DCC: variants seen among roughly 807,000 people sequenced by gnomAD.
DCC encodes the protein netrin receptor DCC.
In DCC, 58 loss-of-function variants were observed where a neutral mutation model predicts 172.5. That is an observed-to-expected ratio of 0.34 (90% CI 0.27 to 0.42). The LOEUF is 0.42. Among genes scored for constraint, DCC ranks in the 10% least tolerant of loss-of-function variants. DCC has a pLI of 1.00. For missense variants in DCC, 1,740 were observed against 1,791.0 expected (o/e 0.97, Z 0.51); for synonymous variants, 709 against 644.5 (o/e 1.10, Z -1.52).
intron 1 of DCC, among the ~76,000 whole-genome samples, chr18:52,466,442 C>T (rs1988788100): frequency 6.6e-6 from 1 of 152,078 alleles, no homozygotes; most frequent in African/African-American, 2.4e-5. Context: ...TCTCTGCTTG[C>T]CCATTCTACT....
At chr18:53,281,762 ATTTTTTT>A (rs754969859) in intron 12 of DCC, among the ~76,000 whole-genome samples, 2 of 115,308 alleles carry the variant, frequency 1.7e-5, no homozygotes, top group African/African-American at 6.3e-5. Flanking sequence ...TTAATGGGGG[ATTTTTTT>A]TTTTTTTTTT....
intron 2 of DCC, among the ~76,000 whole-genome samples, chr18:52,870,772 C>T (rs2039306769): frequency 6.7e-6 from 1 of 148,296 alleles, no homozygotes. Context: ...TCATCACGCT[C>T]CCTACCCTAG....
intron 1 of DCC, among the ~76,000 whole-genome samples, chr18:52,390,800 T>C (rs2144348366): frequency 6.6e-6 from 1 of 152,234 alleles, no homozygotes; most frequent in East Asian, 1.9e-4. Context: ...ATCCATCTTT[T>C]TCCCCAGATC....
At chr18:52,586,310 A>G (rs968942519) in intron 1 of DCC, among the ~76,000 whole-genome samples, 2 of 152,112 alleles carry the variant, frequency 1.3e-5, no homozygotes, top group African/African-American at 4.8e-5. Flanking sequence ...TTATATTTCT[A>G]TTCTCAGTAG....
At chr18:52,905,001 A>T (rs2039859643) in intron 2 of DCC, among the ~76,000 whole-genome samples, 1 of 152,180 alleles carries the variant, frequency 6.6e-6, no homozygotes, top group Non-Finnish European at 1.5e-5. Flanking sequence ...AGGATCACAA[A>T]TATCCACTTG....
chr18:53,365,264 T>TG (rs2057992422), intron 15 of DCC, among the ~76,000 whole-genome samples: 1 of 152,068 alleles, frequency 6.6e-6, no homozygotes, highest in African/African-American at 2.4e-5. Context: ...CTCATCTTTT[T>TG]AAGGCTGCAT....
chr18:53,387,940 C>A (rs1296095226), intron 16 of DCC, among the ~76,000 whole-genome samples: 1 of 152,172 alleles, frequency 6.6e-6, no homozygotes, highest in Non-Finnish European at 1.5e-5. Context: ...TGAAAGAATT[C>A]AAATAAACTG....
intron 1 of DCC, among the ~76,000 whole-genome samples, chr18:52,463,382 A>G (rs1276413626): frequency 6.6e-6 from 1 of 152,166 alleles, no homozygotes; most frequent in African/African-American, 2.4e-5. Context: ...TAAAGAGTCT[A>G]GAAGGATCAT....
At chr18:52,349,742 G>A (rs1050224966) in intron 1 of DCC, among the ~76,000 whole-genome samples, 2 of 151,974 alleles carry the variant, frequency 1.3e-5, no homozygotes, top group Non-Finnish European at 2.9e-5. Flanking sequence ...TCAATAATTC[G>A]AGCTATAAAT....
chr18:53,350,440 T>A (rs2057777949), intron 15 of DCC, among the ~76,000 whole-genome samples: 1 of 152,166 alleles, frequency 6.6e-6, no homozygotes, highest in South Asian at 2.1e-4. Context: ...TTATCATCCT[T>A]TCAGTGATGC....
chr18:52,833,613 T>C (rs1260484271), intron 2 of DCC, among the ~76,000 whole-genome samples: 2 of 152,202 alleles, frequency 1.3e-5, no homozygotes, highest in African/African-American at 4.8e-5. Context: ...GTTTCTGGTC[T>C]GGAGCCACCA....
chr18:53,169,293 T>C (rs2144436253), intron 8 of DCC, among the ~76,000 whole-genome samples: 1 of 152,350 alleles, frequency 6.6e-6, no homozygotes, highest in Admixed American at 6.5e-5. Flanking sequence ...CTCAAAGTTC[T>C]TAAAACTAGC....
chr18:53,047,235 GAT>G (rs70944616), intron 5 of DCC, among the ~76,000 whole-genome samples: 35 of 30,280 alleles, frequency 1.2e-3, no homozygotes, highest in South Asian at 3.5e-3. Flanking sequence ...CTGCAGGTAG[GAT>G]ATATATATAT....
At chr18:53,317,325 G>A (rs1418820624) in intron 13 of DCC, among the ~76,000 whole-genome samples, 1 of 152,238 alleles carries the variant, frequency 6.6e-6, no homozygotes, top group Non-Finnish European at 1.5e-5. Flanking sequence ...TCTCAGGGAT[G>A]AAGCCAACTT....
intron 8 of DCC, among the ~76,000 whole-genome samples, chr18:53,161,519 G>A (rs1598861682): frequency 6.6e-6 from 1 of 152,076 alleles, no homozygotes; most frequent in African/African-American, 2.4e-5. Flanking sequence ...ATGCTGATGT[G>A]TTCCAAATTT....
intron 1 of DCC, among the ~76,000 whole-genome samples, chr18:52,639,530 C>A (rs2034849476): frequency 6.6e-6 from 1 of 152,032 alleles, no homozygotes; most frequent in Non-Finnish European, 1.5e-5. Context: ...ACTATGAACA[C>A]CTTTATGCAC....
At chr18:53,258,272 C>G (rs902563393) in intron 12 of DCC, among the ~76,000 whole-genome samples, 1 of 151,846 alleles carries the variant, frequency 6.6e-6, no homozygotes, top group African/African-American at 2.4e-5. Context: ...TGTGTTTGCT[C>G]TTGCTTTTCT....
intron 15 of DCC, among the ~76,000 whole-genome samples, chr18:53,361,371 T>C (rs1184267753): frequency 2.0e-5 from 3 of 152,168 alleles, no homozygotes. Context: ...CTAAACATTG[T>C]TTTTTAATTT....
chr18:53,203,127 G>T (rs1413905977), intron 9 of DCC, among the ~76,000 whole-genome samples: 1 of 151,728 alleles, frequency 6.6e-6, no homozygotes. Flanking sequence ...TTATTTTTAA[G>T]AAATATGTAC....
Sources: allele counts gnomAD v4.1 joint callset (sites outside exome capture counted in the v4.1 genomes callset), GRCh38; gene constraint gnomAD v4.1.1; transcripts MANE v1.5; gene names NCBI Gene and HGNC (gene_info 2026-07-23, HGNC 2026-07-21).